Variants in SGO2 observed in about 807,000 individuals in gnomAD.
SGO2 encodes shugoshin 2.
SGO2 carries 68 observed loss-of-function variants against 99.5 expected under a neutral mutation model. The ratio of observed to expected loss-of-function variants is 0.68; its 90% CI spans 0.56 to 0.84. SGO2 has a LOEUF of 0.84. Among genes scored for constraint, SGO2 ranks in the 40% least tolerant of loss-of-function variants. SGO2 has a pLI of 0.00. For synonymous variants in SGO2, 457 were observed against 487.1 expected, an observed-to-expected ratio of 0.94 and a Z score of 0.81; for missense variants, 1,350 against 1,436.7, an observed-to-expected ratio of 0.94 and a Z score of 0.97.
At chr2:200,541,081 C>CCACT (rs2031940558) in intron 4 of SGO2, among the ~76,000 whole-genome samples, 1 of 152,164 alleles carries the variant, frequency 6.6e-6, no homozygotes, top group Non-Finnish European at 1.5e-5. Flanking sequence ...CTCCTGTAAC[C>CCACT]CACTCCTGCA....
At chr2:200,534,043 C>T (rs982117352) in intron 2 of SGO2, among the ~76,000 whole-genome samples, 2 of 152,092 alleles carry the variant, frequency 1.3e-5, no homozygotes, top group African/African-American at 4.8e-5. Flanking sequence ...AATGGCTATC[C>T]AAAACTACTC....
chr2:200,532,965 T>C lies in SGO2; in HGVS notation c.-2-9T>C. 6.2e-7 allele frequency: 1 copy of C among 1,600,404 alleles called. No homozygotes were observed. Among genetic ancestry groups the C allele is most frequent in the Non-Finnish European group, 8.5e-7 (1 of 1,176,562 alleles). On this transcript the variant is annotated splice_polypyrimidine_tract_variant and intron_variant, in intron 1 of 8. Transcript: ENST00000357799. ...ATCAATACTATGATTTTTTTTTCTT[T>C]CACTTCAGTGATGGAGTGCCCAGTG...
chr2:200,562,780 G>A (rs578056334), intron 5 of SGO2, among the ~76,000 whole-genome samples: 14 of 152,254 alleles, frequency 9.2e-5, no homozygotes, highest in African/African-American at 3.4e-4. Context: ...CACATCCCTT[G>A]TAAGTTGGAT....
chr2:200,571,904 G>C lies in SGO2; in HGVS notation c.1558G>C (p.Asp520His). The C allele has an allele frequency of 6.2e-7, 1 of 1,613,546 alleles. No individual in the cohort carries two copies. Among genetic ancestry groups the C allele is most frequent in the East Asian group, 2.2e-5 (1 of 44,866 alleles). The part of the protein sequence containing the change: ...SGKFHQESKF[D>H]KGQNSLTCNK... ...TAAATTTCACCAGGAGAGTAAATTTGATAAGGGTCAGAATTCCCTAACTTG... is the reference window on the plus strand; with the variant it reads ...TAAATTTCACCAGGAGAGTAAATTTCATAAGGGTCAGAATTCCCTAACTTG... The change falls in exon 7 of 9, where the codon GAT (aspartate) becomes CAT (histidine). Residue 520 changes from aspartate (D) to histidine (H), a missense_variant. Asp to His is a moderately conservative substitution (Grantham distance 81, BLOSUM62 -1). Coordinates refer to ENST00000357799, the MANE Select transcript of SGO2 (RefSeq NM_152524.6).
intron 8 of SGO2, among the ~76,000 whole-genome samples, chr2:200,582,132 TA>T (rs1384458998): frequency 6.6e-6 from 1 of 152,114 alleles, no homozygotes; most frequent in Non-Finnish European, 1.5e-5. Flanking sequence ...AAAATAAAAT[TA>T]TTGGGTAAAA....
intron 5 of SGO2, among the ~76,000 whole-genome samples, chr2:200,544,534 G>A (rs1361529686): frequency 2.0e-5 from 3 of 152,062 alleles, no homozygotes; most frequent in East Asian, 1.9e-4. Context: ...CTCCCACCTC[G>A]GCCTCTGAAA....
intron 8 of SGO2, among the ~76,000 whole-genome samples, chr2:200,582,770 A>AC (rs1271366668): frequency 6.6e-6 from 1 of 152,196 alleles, no homozygotes; most frequent in Non-Finnish European, 1.5e-5. Flanking sequence ...ACACAGGGGA[A>AC]CAAGGTATCA....
intron 5 of SGO2, among the ~76,000 whole-genome samples, chr2:200,549,734 G>T (rs575225027): frequency 6.6e-6 from 1 of 152,202 alleles, no homozygotes; most frequent in Non-Finnish European, 1.5e-5. Flanking sequence ...ATCAAAATGG[G>T]TATAAAAAGA....
At position 200,572,098 on chromosome 2, in the gene SGO2, T is replaced by C. The variant is rs2033450352; in HGVS notation, c.1752T>C (p.Tyr584=). The C allele has an allele frequency of 5.0e-6, 8 of 1,613,300 alleles. No homozygotes were observed. Among genetic ancestry groups the C allele is most frequent in the African/African-American group, 1.3e-5 (1 of 74,860 alleles). ...AAGATAATGGAAATTTATGTGATTA[T>C]GGGACCCACAATATATTGGATTTGA... The part of the protein sequence containing the change: ...STKDNGNLCD[Y]GTHNILDLKK... The change falls in exon 7 of 9, where the codon TAT becomes TAC. Residue 584 remains tyrosine (Y), a synonymous_variant. Transcript: ENST00000357799.
intron 7 of SGO2, among the ~76,000 whole-genome samples, chr2:200,575,017 G>A (rs1351064600): frequency 6.6e-6 from 1 of 151,980 alleles, no homozygotes; most frequent in African/African-American, 2.4e-5. Flanking sequence ...TGCTCCTCAT[G>A]GTGCCTTACA....
chr2:200,545,669 C>G (rs935609788), intron 5 of SGO2, among the ~76,000 whole-genome samples: 1 of 152,200 alleles, frequency 6.6e-6, no homozygotes, highest in African/African-American at 2.4e-5. Context: ...GGTAGGAGAA[C>G]TGCACTTCCA....
At chr2:200,560,711 T>C (rs560628844) in intron 5 of SGO2, among the ~76,000 whole-genome samples, 8 of 152,298 alleles carry the variant, frequency 5.3e-5, no homozygotes, top group African/African-American at 1.9e-4. Context: ...ATAAGGGATA[T>C]TGGTCTTTAA....
At chr2:200,555,645 C>T (rs2032676356) in intron 5 of SGO2, among the ~76,000 whole-genome samples, 1 of 152,146 alleles carries the variant, frequency 6.6e-6, no homozygotes, top group African/African-American at 2.4e-5. Flanking sequence ...CAAGAGCATG[C>T]TTTTCTGATC....
Position 200,563,656 on chromosome 2 carries a change from T to C in SGO2, c.474-6007T>C, listed in dbSNP as rs532948627. On this transcript the variant is annotated intron_variant, in intron 5 of 8. Coordinates refer to ENST00000357799, the MANE Select transcript of SGO2 (RefSeq NM_152524.6). ...TGGTACCAACTCCTCTTTGTACCTC[T>C]GGTAGAATTCAGCTGTGAATCCATC... 5.9e-5 allele frequency among the ~76,000 whole-genome samples: 9 copies of C among 152,360 alleles called. No individual in the cohort carries two copies. In the East Asian group the frequency reaches 1.7e-3, roughly 29 times the overall value.
intron 1 of SGO2, among the ~76,000 whole-genome samples, chr2:200,530,654 A>G (rs1019278576): frequency 2.0e-5 from 3 of 152,212 alleles, no homozygotes; most frequent in African/African-American, 7.2e-5. Context: ...GAGACAGAGG[A>G]GGAACAGGTA....
At chr2:200,527,397 G>C (rs2031151805) in intron 1 of SGO2, among the ~76,000 whole-genome samples, 1 of 152,194 alleles carries the variant, frequency 6.6e-6, no homozygotes, top group Admixed American at 6.5e-5. Flanking sequence ...TGTGTGAGAT[G>C]CAACAGTTTG....
chr2:200,546,001 G>A (rs981494846), intron 5 of SGO2, among the ~76,000 whole-genome samples: 1 of 152,102 alleles, frequency 6.6e-6, no homozygotes, highest in Admixed American at 6.6e-5. Flanking sequence ...GCATTCCCCA[G>A]GTCCCCTGGG....
chr2:200,546,440 A>C (rs1237256844), intron 5 of SGO2, among the ~76,000 whole-genome samples: 1 of 151,942 alleles, frequency 6.6e-6, no homozygotes, highest in Admixed American at 6.6e-5. Context: ...GAAAACTGGA[A>C]TAAATAATCC....
intron 5 of SGO2, among the ~76,000 whole-genome samples, chr2:200,556,213 A>C (rs1221770222): frequency 6.6e-6 from 1 of 152,032 alleles, no homozygotes; most frequent in African/African-American, 2.4e-5. Context: ...TGATCTGCCC[A>C]CCTCAGCCTC....
Sources: gnomAD v4.1 joint callset for allele counts (sites outside exome capture counted in the v4.1 genomes callset) on GRCh38, gnomAD v4.1.1 for gene constraint, MANE v1.5 for transcripts, NCBI Gene and HGNC (gene_info 2026-07-23, HGNC 2026-07-21) for gene names.